COLQ: variants seen among roughly 807,000 people sequenced by gnomAD.
COLQ encodes collagen like tail subunit of asymmetric acetylcholinesterase, also known as acetylcholinesterase collagenic tail peptide.
Under a neutral mutation model 69.0 loss-of-function variants are expected in COLQ, and 48 were observed. The observed-to-expected ratio is 0.70, with a 90% CI of 0.55 to 0.88. The LOEUF is 0.88. Among genes scored for constraint, COLQ ranks in the 40% least tolerant of loss-of-function variants. The pLI, the probability that COLQ is intolerant of heterozygous loss-of-function variation, is 0.00. For synonymous variants in COLQ, 217 were observed against 211.2 expected (o/e 1.03, Z -0.24); for missense variants, 618 against 594.6 (o/e 1.04, Z -0.41).
chr3:15,476,091 A>G (rs2062374221), intron 6 of COLQ, among the ~76,000 whole-genome samples: 2 of 152,250 alleles, frequency 1.3e-5, no homozygotes, highest in Admixed American at 1.3e-4. Flanking sequence ...CCCAACTTGT[A>G]ATCTATACAA....
intron 3 of COLQ, among the ~76,000 whole-genome samples, chr3:15,485,418 T>C (rs927719010): frequency 2.6e-5 from 4 of 152,204 alleles, no homozygotes; most frequent in Admixed American, 1.3e-4. Context: ...CACTACTCTC[T>C]TCACAGCTCA....
intron 11 of COLQ, 41 bp from the exon 12 acceptor site, chr3:15,466,478 A>C: frequency 1.3e-6 from 2 of 1,549,310 alleles, no homozygotes; most frequent in Non-Finnish European, 1.8e-6. Flanking sequence ...AAAGCATGAC[A>C]TAGCAAGCTT....
intron 13 of COLQ, 27 bp downstream of exon 13, chr3:15,458,159 C>T: frequency 6.2e-7 from 1 of 1,612,378 alleles, no homozygotes; most frequent in Non-Finnish European, 8.5e-7. Flanking sequence ...CGGATAACCA[C>T]CCCAGACTTC....
chr3:15,453,845 C>A lies in COLQ; in HGVS notation c.1282G>T (p.Glu428Ter). The change falls in exon 16 of 17, where the codon GAG becomes TAG. Residue 428 changes from glutamate (E) to a stop codon, truncating the protein, a stop_gained. Transcript: ENST00000383788. LOFTEE classifies it high-confidence loss of function. ...CATCCCTACCCAGGGAGATAGGTCT[C>A]GCATGTCAGGTAGCCAAAGTCAGAG... is the stretch of plus-strand genomic sequence containing the variant. ...DGSDFGYLTC[E>*]TYLPGSYGDL... 1 of 1,610,634 alleles carries A rather than the reference C, an allele frequency of 6.2e-7. No homozygotes were observed. The highest frequency in any genetic ancestry group is 1.7e-5 in the Admixed American group (1 of 59,794).
chr3:15,490,223 G>T (rs1414786522), intron 1 of COLQ, among the ~76,000 whole-genome samples: 2 of 152,150 alleles, frequency 1.3e-5, no homozygotes, highest in Non-Finnish European at 2.9e-5. Flanking sequence ...TAAAGGGAGG[G>T]CCCTGAACCT....
At chr3:15,474,631 C>A (rs2062347435) in intron 8 of COLQ, among the ~76,000 whole-genome samples, 1 of 152,220 alleles carries the variant, frequency 6.6e-6, no homozygotes, top group Non-Finnish European at 1.5e-5. Flanking sequence ...CCAATTTCCT[C>A]CAGCACTCTG....
intron 6 of COLQ, 53 bp downstream of exon 6, chr3:15,477,073 T>A (rs2062391007): frequency 2.0e-6 from 3 of 1,506,596 alleles, no homozygotes. Context: ...AGCTGCCATC[T>A]TCCCCCCTCT....
chr3:15,482,014 T>C (rs1158563479), intron 3 of COLQ, among the ~76,000 whole-genome samples: 1 of 152,176 alleles, frequency 6.6e-6, no homozygotes, highest in Non-Finnish European at 1.5e-5. Context: ...GCCTCTCTGT[T>C]TGTCTGTTAT....
intron 11 of COLQ, among the ~76,000 whole-genome samples, chr3:15,467,069 G>A (rs1644905355): frequency 6.6e-6 from 1 of 152,170 alleles, no homozygotes; most frequent in African/African-American, 2.4e-5. Flanking sequence ...TTCCTTCATG[G>A]CATTTATCCC....
At chr3:15,516,570 T>C (rs1165770561) in intron 1 of COLQ, among the ~76,000 whole-genome samples, 1 of 152,180 alleles carries the variant, frequency 6.6e-6, no homozygotes, top group East Asian at 1.9e-4. Flanking sequence ...ACCACATGTG[T>C]CTGCAGGGTC....
At chr3:15,480,889 T>G (rs1351727762) in intron 3 of COLQ, among the ~76,000 whole-genome samples, 1 of 152,234 alleles carries the variant, frequency 6.6e-6, no homozygotes, top group African/African-American at 2.4e-5. Context: ...TGGTGTGAGA[T>G]ATCTCATTGT....
chr3:15,509,848 A>C (rs1035281512), intron 1 of COLQ, among the ~76,000 whole-genome samples: 1 of 152,234 alleles, frequency 6.6e-6, no homozygotes, highest in Non-Finnish European at 1.5e-5. Flanking sequence ...AGAGAGTCTC[A>C]GTTCTGAAAC....
intron 11 of COLQ, 52 bp downstream of exon 11, chr3:15,470,483 GC>G: frequency 6.6e-7 from 1 of 1,521,688 alleles, no homozygotes. Context: ...TCCACACACT[GC>G]CAGGTCAGGA....
At chr3:15,458,647 A>T (rs1425068361) in intron 12 of COLQ, among the ~76,000 whole-genome samples, 1 of 152,226 alleles carries the variant, frequency 6.6e-6, no homozygotes. Context: ...CGAAAGGCTC[A>T]TGGGGCCTGG....
At chr3:15,465,738 G>A (rs530080541) in intron 12 of COLQ, among the ~76,000 whole-genome samples, 36 of 150,590 alleles carry the variant, frequency 2.4e-4, no homozygotes, top group East Asian at 7.8e-4. Context: ...GATTACAGCC[G>A]CGTGCCACCA....
chr3:15,466,334 C>G lies in COLQ; in HGVS notation c.814+7G>C. On this transcript the variant is annotated splice_region_variant and intron_variant, in intron 12 of 16. Coordinates refer to ENST00000383788, the MANE Select transcript of COLQ (RefSeq NM_005677.4). ...CAGTGGATCAAGTGAAGCAGTGTAGCTCTTACCTGCAGGTGGGGGGCCTGG... is the reference window on the plus strand; with the variant it reads ...CAGTGGATCAAGTGAAGCAGTGTAGGTCTTACCTGCAGGTGGGGGGCCTGG... The G allele has an allele frequency of 6.2e-7, 1 of 1,606,482 alleles. No individual in the cohort carries two copies. The highest frequency in any genetic ancestry group is 8.5e-7 in the Non-Finnish European group (1 of 1,173,210).
At chr3:15,498,437 A>G (rs2062780651) in intron 1 of COLQ, 2 of 1,472,302 alleles carry the variant, frequency 1.4e-6, no homozygotes, top group Admixed American at 2.0e-5. Flanking sequence ...CTGCTTTCCA[A>G]GAGTCTTTTT....
intron 11 of COLQ, among the ~76,000 whole-genome samples, chr3:15,469,255 G>A (rs972756309): frequency 6.6e-6 from 1 of 152,102 alleles, no homozygotes; most frequent in Non-Finnish European, 1.5e-5. Context: ...TGGCCTTCCT[G>A]GCTTTGGTTA....
intron 11 of COLQ, among the ~76,000 whole-genome samples, chr3:15,468,230 A>T (rs1035863475): frequency 2.7e-5 from 4 of 150,524 alleles, no homozygotes; most frequent in African/African-American, 9.7e-5. Flanking sequence ...GGACTCACTG[A>T]GTAGAGCTTT....
Sources: allele counts gnomAD v4.1 joint callset (sites outside exome capture counted in the v4.1 genomes callset), GRCh38; gene constraint gnomAD v4.1.1; transcripts MANE v1.5; gene names NCBI Gene and HGNC (gene_info 2026-07-23, HGNC 2026-07-21).